The following CELSR1 variants were observed in gnomAD, a reference collection of about 807,000 sequenced individuals.
CELSR1 encodes cadherin EGF LAG seven-pass G-type receptor 1, also known as adhesion G protein-coupled receptor C1.
A neutral mutation model predicts 249.1 loss-of-function variants in CELSR1; 110 were observed. That is an observed-to-expected ratio of 0.44 (90% CI 0.38 to 0.52). The LOEUF (loss-of-function observed/expected upper bound fraction) is 0.52. Among genes scored for constraint, CELSR1 ranks in the 20% least tolerant of loss-of-function variants. The probability of loss-of-function intolerance (pLI) is 0.00; values close to 1 mark genes in which losing one functional copy is unlikely to be tolerated. For synonymous variants in CELSR1, 2,113 were observed against 1,900.0 expected, an observed-to-expected ratio of 1.11 and a Z score of -2.92; for missense variants, 4,109 against 4,296.4, an observed-to-expected ratio of 0.96 and a Z score of 1.22.
intron 1 of CELSR1, among the ~76,000 whole-genome samples, chr22:46,479,832 G>T (rs528641983): frequency 4.3e-4 from 65 of 152,262 alleles, no homozygotes; most frequent in Admixed American, 9.8e-4. Context: ...AGGCAGAAAT[G>T]GTATTTGGTA....
At position 46,365,600 on chromosome 22, in the gene CELSR1, C is replaced by T; in HGVS notation, c.8390G>A (p.Cys2797Tyr). 6.3e-7 allele frequency: 1 copy of T among 1,590,576 alleles called. No homozygotes were observed. The change falls in exon 31 of 35, where the codon TGC becomes TAC. Residue 2797 changes from cysteine to tyrosine, a missense_variant. Physicochemically the swap from Cys to Tyr is radical, Grantham distance 194. Coordinates refer to ENST00000674500, the MANE Select transcript of CELSR1 (RefSeq NM_001378328.1). ...GGAAGCCATACCAGGGGGATCCTTG[C>T]AGCTCCTGGGCATGAGGGACGCGTC... ...EPDASLMPRS[C>Y]KDPPGHDSDS...
Position 46,363,045 on chromosome 22 carries a change from T to C in CELSR1, c.*178A>G. On this transcript the variant is annotated 3_prime_UTR_variant, in exon 35 of 35. Coordinates refer to ENST00000674500, the MANE Select transcript of CELSR1 (RefSeq NM_001378328.1). The surrounding 1 kb of genome is among the most constrained non-coding windows in gnomAD (Gnocchi z 4.3). ...CTGGGAGAACCAAGACCTTTGTGTCTGGATGATCAGTCGGGGGGCTGCCAC... is the reference window on the plus strand; with the variant it reads ...CTGGGAGAACCAAGACCTTTGTGTCCGGATGATCAGTCGGGGGGCTGCCAC... 1 of 1,337,546 alleles carries C rather than the reference T, an allele frequency of 7.5e-7. No homozygotes were observed. The highest frequency in any genetic ancestry group is 1.5e-5 in the African/African-American group (1 of 68,222). 82.9% of individuals were successfully genotyped at this position (1,337,546 alleles called of 1,614,324 possible).
At position 46,391,873 on chromosome 22, in the gene CELSR1, T is replaced by C; in HGVS notation, c.5965-57A>G. 1 of 1,543,056 alleles carries C rather than the reference T, an allele frequency of 6.5e-7. No homozygotes were observed. Among genetic ancestry groups the C allele is most frequent in the Non-Finnish European group, 8.7e-7 (1 of 1,145,062 alleles). Reference sequence around the variant, plus strand: ...CAGATGCCCGGGAGAGGCCCTACCTTGCAGCGTGTTTCCCGAGCGACGTCC... The same window carrying C: ...CAGATGCCCGGGAGAGGCCCTACCTCGCAGCGTGTTTCCCGAGCGACGTCC... On this transcript the variant is annotated intron_variant, in intron 14 of 34. Coordinates refer to ENST00000674500, the MANE Select transcript of CELSR1 (RefSeq NM_001378328.1). This position sits in a 1 kb window ranked among gnomAD's most constrained non-coding sequence, Gnocchi z 4.3.
intron 4 of CELSR1, among the ~76,000 whole-genome samples, chr22:46,435,669 A>G (rs2079650879): frequency 6.6e-6 from 1 of 152,126 alleles, no homozygotes; most frequent in African/African-American, 2.4e-5. Context: ...CCACATTTCC[A>G]GCACTATAAA....
In CELSR1 at chr22:46,363,319, G is replaced by T; in HGVS notation, c.9036-72C>A. 2 of 1,328,270 alleles carry T rather than the reference G, an allele frequency of 1.5e-6. No homozygotes were observed. Among genetic ancestry groups the T allele is most frequent in the Non-Finnish European group, 2.1e-6 (2 of 938,536 alleles). The allele number at this position is 1,328,270 out of a possible 1,614,324, so 82.3% of individuals were successfully genotyped here. A position where few individuals can be genotyped will look rare whatever the true frequency, so the allele number is the denominator to read the frequency against. On this transcript the variant is annotated intron_variant, in intron 34 of 34. Coordinates refer to ENST00000674500, the MANE Select transcript of CELSR1 (RefSeq NM_001378328.1). This position sits in a 1 kb window ranked among gnomAD's most constrained non-coding sequence, Gnocchi z 4.3. ...TAGCGGCTTGGTGGGGCCCAAGGTT[G>T]TCACACGGGGGGGCAGGATCACCCC...
chr22:46,499,160 A>G (rs1412322424), intron 1 of CELSR1, among the ~76,000 whole-genome samples: 4 of 149,186 alleles, frequency 2.7e-5, no homozygotes, highest in Non-Finnish European at 5.9e-5. Flanking sequence ...AGCCTGGGCG[A>G]TAGAGTAAGA....
At position 46,472,508 on chromosome 22, in the gene CELSR1, G is replaced by C. The variant is rs2080166345; in HGVS notation, c.3545-8163C>G. On this transcript the variant is annotated intron_variant, in intron 1 of 34. Transcript: ENST00000674500. The surrounding 1 kb of genome is among the most constrained non-coding windows in gnomAD (Gnocchi z 7.0). The stretch of plus-strand genomic sequence containing the variant: ...GATGCTGGACGGCCCCGGGAGACAG[G>C]GGAGTAGGTTTCCTGGGAAGAATGG... 1.3e-5 allele frequency among the ~76,000 whole-genome samples: 2 copies of C among 152,200 alleles called. No individual in the cohort carries two copies. Among genetic ancestry groups the C allele is most frequent in the Admixed American group, 1.3e-4 (2 of 15,284 alleles).
intron 5 of CELSR1, among the ~76,000 whole-genome samples, chr22:46,422,782 G>T (rs2147383822): frequency 8.4e-6 from 1 of 119,090 alleles, no homozygotes; most frequent in South Asian, 2.3e-4. Flanking sequence ...AAAAAAAAAT[G>T]GCTCATAGTC....
intron 24 of CELSR1, among the ~76,000 whole-genome samples, chr22:46,373,494 G>A (rs1226101820): frequency 1.4e-5 from 2 of 144,936 alleles, no homozygotes; most frequent in African/African-American, 5.1e-5. Flanking sequence ...GGGTGGGGGG[G>A]GCAGCTTCAC....
chr22:46,393,687 G>A lies in CELSR1; in HGVS notation c.5964+455C>T, dbSNP rs140558932. Among the ~76,000 whole-genome samples the A allele has an allele frequency of 6.6e-6, 1 of 150,754 alleles. No individual in the cohort carries two copies. Among genetic ancestry groups the A allele is most frequent in the Non-Finnish European group, 1.5e-5 (1 of 67,848 alleles). ...CGGGAGGCGGAGGCTGCAGTGAGCCGAGATCGCACCACTGCACTCCAGCCT... is the reference window on the plus strand; with the variant it reads ...CGGGAGGCGGAGGCTGCAGTGAGCCAAGATCGCACCACTGCACTCCAGCCT... On this transcript the variant is annotated intron_variant, in intron 14 of 34. Transcript: ENST00000674500. The surrounding 1 kb of genome is among the most constrained non-coding windows in gnomAD (Gnocchi z 4.1).
intron 1 of CELSR1, among the ~76,000 whole-genome samples, chr22:46,508,151 C>A (rs907770027): frequency 2.6e-5 from 4 of 152,184 alleles, no homozygotes; most frequent in Non-Finnish European, 5.9e-5. Flanking sequence ...CCCCCTCCCC[C>A]ACGGCTCCTA....
intron 18 of CELSR1, 69 bp from the exon 19 acceptor site, chr22:46,386,654 C>A (rs2079037484): frequency 7.4e-7 from 1 of 1,348,190 alleles, no homozygotes; most frequent in East Asian, 2.7e-5. Flanking sequence ...GGGACACCTG[C>A]CCTGAAAGCC....
chr22:46,521,720 G>T (rs1263677463), intron 1 of CELSR1, among the ~76,000 whole-genome samples: 1 of 151,814 alleles, frequency 6.6e-6, no homozygotes, highest in Non-Finnish European at 1.5e-5. Flanking sequence ...GGGAGGCTGA[G>T]GCAGGAGAAT....
At chr22:46,452,155 TC>T (rs10712069) in intron 2 of CELSR1, among the ~76,000 whole-genome samples, 6,901 of 152,118 alleles carry the variant, frequency 0.045, 510 homozygotes, top group African/African-American at 0.16. Context: ...ATCACAGCAG[TC>T]CTAGGAGAAC....
Position 46,517,966 on chromosome 22 carries a change from G to T in CELSR1, c.3544+15661C>A, listed in dbSNP as rs2080646031. 6.6e-6 allele frequency among the ~76,000 whole-genome samples: 1 copy of T among 151,630 alleles called. No homozygotes were observed. The highest frequency in any genetic ancestry group is 1.5e-5 in the Non-Finnish European group (1 of 67,962). On this transcript the variant is annotated intron_variant, in intron 1 of 34. Transcript: ENST00000674500. This position sits in a 1 kb window ranked among gnomAD's most constrained non-coding sequence, Gnocchi z 5.4. ...TGCCCAGGCCAGAGTGCAATGGCAGGATTTTGGCTCACTGCAACCTCTGCC... is the reference window on the plus strand; with the variant it reads ...TGCCCAGGCCAGAGTGCAATGGCAGTATTTTGGCTCACTGCAACCTCTGCC...
chr22:46,460,052 C>CA (rs1289750804), intron 2 of CELSR1, among the ~76,000 whole-genome samples: 1 of 152,050 alleles, frequency 6.6e-6, no homozygotes, highest in Non-Finnish European at 1.5e-5. Flanking sequence ...ACTAAAAATA[C>CA]AAAAAATTAG....
At position 46,437,748 on chromosome 22, in the gene CELSR1, G is replaced by A. The variant is rs2079680857; in HGVS notation, c.4406+1441C>T. 2.8e-5 allele frequency among the ~76,000 whole-genome samples: 4 copies of A among 143,294 alleles called. No individual in the cohort carries two copies. Among genetic ancestry groups the A allele is most frequent in the South Asian group, 2.1e-4 (1 of 4,664 alleles). The allele number at this position is 143,294 out of a possible 152,430, so 94.0% of individuals were successfully genotyped here. ...CAGCCTGGCAACAAAGCAAGACTCC[G>A]TCTCAAAAAAAAAAAAAAAACTGAT... On this transcript the variant is annotated intron_variant, in intron 3 of 34. Coordinates refer to ENST00000674500, the MANE Select transcript of CELSR1 (RefSeq NM_001378328.1). This position sits in a 1 kb window ranked among gnomAD's most constrained non-coding sequence, Gnocchi z 4.9.
At chr22:46,463,582 T>C (rs780257904) in intron 2 of CELSR1, 125 bp downstream of exon 2, 54 of 1,049,854 alleles carry the variant, frequency 5.1e-5, no homozygotes, top group Non-Finnish European at 6.3e-5. Context: ...AGCCCACACC[T>C]GGGCCCAGCG....
At chr22:46,504,520 A>AC (rs746515653) in intron 1 of CELSR1, among the ~76,000 whole-genome samples, 2 of 86,172 alleles carry the variant, frequency 2.3e-5, no homozygotes, top group Non-Finnish European at 5.5e-5. Flanking sequence ...AAAAAAAAAA[A>AC]CAAAAAAAAA....
Sources: gnomAD v4.1 joint callset for allele counts (sites outside exome capture counted in the v4.1 genomes callset) on GRCh38, gnomAD v4.1.1 for gene constraint, Gnocchi (gnomAD v3.1) non-coding constraint, MANE v1.5 for transcripts, NCBI Gene and HGNC (gene_info 2026-07-23, HGNC 2026-07-21) for gene names.